Variants in CASP6 observed in about 807,000 individuals in gnomAD.
The protein encoded by CASP6 is caspase-6.
A neutral mutation model predicts 31.8 loss-of-function variants in CASP6; 20 were observed. That is an observed-to-expected ratio of 0.63 (90% CI 0.44 to 0.91). CASP6 has a LOEUF of 0.91. CASP6 is among the 40% of genes least tolerant of loss of function. CASP6 has a pLI of 0.00. For missense variants in CASP6, 328 were observed against 361.1 expected, an observed-to-expected ratio of 0.91 and a Z score of 0.74; for synonymous variants, 130 against 127.8, an observed-to-expected ratio of 1.02 and a Z score of -0.12.
In CASP6 at chr4:109,690,872, G is replaced by T; in HGVS notation, c.621C>A (p.Leu207=). The T allele has an allele frequency of 6.2e-7, 1 of 1,612,182 alleles. No individual in the cohort carries two copies. Among genetic ancestry groups the T allele is most frequent in the Non-Finnish European group, 8.5e-7 (1 of 1,179,222 alleles). ...VYTLPAGADF[L]MCYSVAEGYY... ...CACCTTCTGCAACAGAGTAACACAT[G>T]AGGAAGTCAGCTCCAGCAGGCAGCG... Residue 207 remains leucine (L), a synonymous_variant, in exon 6 of 7, where the codon CTC becomes CTA. Transcript: ENST00000265164.
the CASP6 span, among the ~76,000 whole-genome samples, chr4:109,669,029 C>T: frequency 2.0e-5 from 3 of 152,002 alleles, no homozygotes; most frequent in African/African-American, 4.8e-5. Flanking sequence ...CCAGTGTTAG[C>T]ATTATTCTTT....
chr4:109,696,100 G>A (rs1362342517), intron 4 of CASP6, among the ~76,000 whole-genome samples: 1 of 152,164 alleles, frequency 6.6e-6, no homozygotes, highest in Non-Finnish European at 1.5e-5. Context: ...TGAGCCTGTT[G>A]ACTGCCCAGC....
chr4:109,688,870 T>TC lies in CASP6; in HGVS notation c.*459_*460insG, dbSNP rs1316814646. 2 of 139,426 alleles carry TC rather than the reference T, an allele frequency of 1.4e-5. No individual in the cohort carries two copies. Among genetic ancestry groups the TC allele is most frequent in the African/African-American group, 5.4e-5 (2 of 36,832 alleles). 8.6% of individuals were successfully genotyped at this position (139,426 alleles called of 1,614,324 possible). A position where few individuals can be genotyped will look rare whatever the true frequency, so the allele number is the denominator to read the frequency against. ...TTCACCATGGCCAACATGAACTTTT[T>TC]TTTTTTTTTTTTAAGGCAGTTCTCT... On this transcript the variant is annotated 3_prime_UTR_variant, in exon 7 of 7. Transcript: ENST00000265164.
At chr4:109,703,505 G>T, upstream of CASP6, 1 of 1,399,740 alleles carries the variant, frequency 7.1e-7, no homozygotes, top group Non-Finnish European at 9.7e-7. Flanking sequence ...CCCTGCCCCC[G>T]AGCGTGGGGC....
At chr4:109,708,196 G>A (rs778254687), upstream of CASP6, among the ~76,000 whole-genome samples, 2 of 152,150 alleles carry the variant, frequency 1.3e-5, no homozygotes, top group African/African-American at 2.4e-5. Flanking sequence ...AATCAAAGAA[G>A]GGTTTTTACT....
rs557758499 is a variant in CASP6 at position 109,695,399 on chromosome 4, T to G, written c.308-699A>C. Among the ~76,000 whole-genome samples, 483 of 151,798 alleles carry G rather than the reference T, an allele frequency of 3.2e-3. 2 individuals carry two copies. The highest frequency in any genetic ancestry group is 0.011 in the African/African-American group (458 of 41,366). On this transcript the variant is annotated intron_variant, in intron 4 of 6. Coordinates refer to ENST00000265164, the MANE Select transcript of CASP6 (RefSeq NM_001226.4). ...AATCAGCAGAGACCTTAGAGCAGAG[T>G]GGAAAGACCCAGAAACTGCTGCTCA...
At chr4:109,672,505 T>TA in the CASP6 span, among the ~76,000 whole-genome samples, 1 of 152,202 alleles carries the variant, frequency 6.6e-6, no homozygotes, top group Non-Finnish European at 1.5e-5. Context: ...AAGCTATAAT[T>TA]ATAGACTGTT....
downstream of CASP6, chr4:109,685,276 G>T (rs775265937): frequency 2.6e-6 from 4 of 1,514,032 alleles, no homozygotes; most frequent in Non-Finnish European, 3.7e-6. Context: ...GCTGTTAAGA[G>T]TAGGCAATTT....
At chr4:109,676,444 C>T in the CASP6 span, among the ~76,000 whole-genome samples, 3 of 152,162 alleles carry the variant, frequency 2.0e-5, no homozygotes, top group South Asian at 4.1e-4. Flanking sequence ...GAATATCTTA[C>T]TGGAAGCTGG....
At chr4:109,699,041 A>C (rs1730338570) in intron 1 of CASP6, among the ~76,000 whole-genome samples, 1 of 152,218 alleles carries the variant, frequency 6.6e-6, no homozygotes, top group African/African-American at 2.4e-5. Flanking sequence ...CACTGGCCAC[A>C]TGTGTCTACT....
chr4:109,694,759 TAAAAA>T lies in CASP6; in HGVS notation c.308-64_308-60del, dbSNP rs1451065330. On this transcript the variant is annotated intron_variant, in intron 4 of 6. Transcript: ENST00000265164. Reference sequence around the variant, plus strand: ...AAATATGATGCTTGTTATCTACACATAAAAATTCAGTTTATTAACACAAGAATAAA... The same window carrying T: ...AAATATGATGCTTGTTATCTACACATTTCAGTTTATTAACACAAGAATAAA... 4 of 1,398,410 alleles carry T rather than the reference TAAAAA, an allele frequency of 2.9e-6. No homozygotes were observed. In the East Asian group the frequency reaches 7.7e-5, roughly 27 times the overall value. 86.6% of individuals were successfully genotyped at this position (1,398,410 alleles called of 1,614,324 possible).
chr4:109,691,031 C>T lies in CASP6; in HGVS notation c.484-22G>A, dbSNP rs1240543237. The T allele has an allele frequency of 3.1e-6, 5 of 1,597,322 alleles. No individual in the cohort carries two copies. In the East Asian group the frequency reaches 6.7e-5, roughly 22 times the overall value. ...ATGCCTACAAGACAAGGAGGAAAAA[C>T]CCACCTCTTTGCCTACTGTTTCCTT... On this transcript the variant is annotated intron_variant, in intron 5 of 6. Coordinates refer to ENST00000265164, the MANE Select transcript of CASP6 (RefSeq NM_001226.4).
At chr4:109,692,270 C>T (rs1016420367) in intron 5 of CASP6, 1 of 152,114 alleles carries the variant, frequency 6.6e-6, no homozygotes, top group Non-Finnish European at 1.5e-5. Flanking sequence ...ATCACCTGCC[C>T]AGTCAACTGC....
chr4:109,671,764 T>C, the CASP6 span, among the ~76,000 whole-genome samples: 1 of 152,230 alleles, frequency 6.6e-6, no homozygotes, highest in African/African-American at 2.4e-5. Flanking sequence ...GTTGTTGTTT[T>C]TTTCTTTGCC....
At chr4:109,679,826 G>A in the CASP6 span, among the ~76,000 whole-genome samples, 1 of 150,148 alleles carries the variant, frequency 6.7e-6, no homozygotes, top group South Asian at 2.1e-4. Context: ...TTTTGAGACA[G>A]AGTCTCTCTG....
At position 109,689,853 on chromosome 4, in the gene CASP6, G is replaced by A. The variant is rs5030596; in HGVS notation, c.644-285C>T. Among the ~76,000 whole-genome samples, 18 of 152,234 alleles carry A rather than the reference G, an allele frequency of 1.2e-4. 1 individual carries two copies. The highest frequency in any genetic ancestry group is 4.6e-4 in the Admixed American group (7 of 15,302). On this transcript the variant is annotated intron_variant, in intron 6 of 6. Transcript: ENST00000265164. ...TGAGACATGAGATTACTAAAAAGAAGTCAAAATTATTTACTACAAAAGCAA... is the reference window on the plus strand; with the variant it reads ...TGAGACATGAGATTACTAAAAAGAAATCAAAATTATTTACTACAAAAGCAA...
At chr4:109,678,919 G>C in the CASP6 span, among the ~76,000 whole-genome samples, 42 of 130,722 alleles carry the variant, frequency 3.2e-4, no homozygotes, top group Admixed American at 9.1e-4. Context: ...GGGCAGAGGC[G>C]CTCCTCACAT....
chr4:109,689,599 AGTTTTCTGGCTTTCAATTACT>A (rs1729969319), intron 6 of CASP6, 31 bp from the exon 7 acceptor site: 1 of 1,593,046 alleles, frequency 6.3e-7, no homozygotes, highest in South Asian at 1.1e-5. Context: ...ATGTTGCTGC[AGTTTTCTGGCTTTCAATTACT>A]GTGTGTATTC....
At chr4:109,671,892 T>C in the CASP6 span, among the ~76,000 whole-genome samples, 2 of 152,152 alleles carry the variant, frequency 1.3e-5, no homozygotes, top group African/African-American at 2.4e-5. Flanking sequence ...AGATGTTTAA[T>C]GTTTGCTGTA....
Sources: allele counts gnomAD v4.1 joint callset (sites outside exome capture counted in the v4.1 genomes callset), GRCh38; gene constraint gnomAD v4.1.1; transcripts MANE v1.5; gene names NCBI Gene and HGNC (gene_info 2026-07-23, HGNC 2026-07-21).